Variants in TBC1D19 observed in about 807,000 individuals in gnomAD.
TBC1D19 encodes TBC1 domain family, member 19.
TBC1D19 carries 60 observed loss-of-function variants against 89.0 expected under a neutral mutation model. The ratio of observed to expected loss-of-function variants is 0.67; its 90% CI spans 0.55 to 0.84. The LOEUF is 0.84. TBC1D19 is among the 40% of genes least tolerant of loss of function. TBC1D19 has a pLI of 0.00. For missense variants in TBC1D19, 500 were observed against 610.8 expected, an observed-to-expected ratio of 0.82 and a Z score of 1.91; for synonymous variants, 189 against 199.7, an observed-to-expected ratio of 0.95 and a Z score of 0.45.
rs186442790 is a variant in TBC1D19, at chr4:26,683,362, C to T, written c.817-313C>T. On this transcript the variant is annotated intron_variant, in intron 11 of 20. Transcript: ENST00000264866. The stretch of plus-strand genomic sequence containing the variant: ...TGGTTTGGGATTAAATGAGTTAACT[C>T]TTGTAAAGTGGGTAAAATAGTGCCT... 1.4e-4 allele frequency among the ~76,000 whole-genome samples: 21 copies of T among 152,182 alleles called. No individual in the cohort carries two copies. The Middle Eastern group carries it at 0.01, about 74-fold the overall frequency.
the TBC1D19 span, among the ~76,000 whole-genome samples, chr4:26,812,950 C>G: frequency 1.3e-5 from 2 of 152,068 alleles, no homozygotes; most frequent in Admixed American, 1.3e-4. The surrounding 1 kb of genome is among the most constrained non-coding windows in gnomAD (Gnocchi z 4.2). Context: ...GGTGTGTTGG[C>G]TCACATCTGT....
intron 15 of TBC1D19, among the ~76,000 whole-genome samples, chr4:26,724,724 T>C (rs756429086): frequency 2.0e-5 from 3 of 152,188 alleles, no homozygotes; most frequent in Non-Finnish European, 4.4e-5. Context: ...TAGCCTTCAC[T>C]TCCTGCTTGC....
At chr4:26,619,069 T>C (rs1741871364) in intron 3 of TBC1D19, among the ~76,000 whole-genome samples, 1 of 152,192 alleles carries the variant, frequency 6.6e-6, no homozygotes, top group Non-Finnish European at 1.5e-5. Context: ...AAAATAAATA[T>C]CTAACTTGAT....
chr4:26,684,971 A>G (rs1408954343), intron 12 of TBC1D19, among the ~76,000 whole-genome samples: 1 of 152,154 alleles, frequency 6.6e-6, no homozygotes, highest in Non-Finnish European at 1.5e-5. Context: ...CTGTAAAACC[A>G]CGCTTTGAAA....
chr4:26,810,621 C>T, the TBC1D19 span, among the ~76,000 whole-genome samples: 5 of 152,190 alleles, frequency 3.3e-5, no homozygotes, highest in East Asian at 1.9e-4. Flanking sequence ...TGCTGTTCTC[C>T]GTGCCAACAG....
chr4:26,817,797 G>A, the TBC1D19 span, among the ~76,000 whole-genome samples: 20 of 151,550 alleles, frequency 1.3e-4, no homozygotes, highest in East Asian at 3.9e-4. Flanking sequence ...GTGAAACCCC[G>A]TCTCAACTAA....
chr4:26,589,081 C>G (rs1739604360), intron 1 of TBC1D19, among the ~76,000 whole-genome samples: 1 of 152,118 alleles, frequency 6.6e-6, no homozygotes, highest in African/African-American at 2.4e-5. Context: ...TTGAGACCAG[C>G]CTCGCCAACA....
At chr4:26,785,492 A>G in the TBC1D19 span, among the ~76,000 whole-genome samples, 1 of 152,230 alleles carries the variant, frequency 6.6e-6, no homozygotes, top group African/African-American at 2.4e-5. Flanking sequence ...CTACAATGAC[A>G]ATGATGACGA....
chr4:26,666,068 T>G (rs1298217529), intron 8 of TBC1D19, among the ~76,000 whole-genome samples: 1 of 152,006 alleles, frequency 6.6e-6, no homozygotes, highest in African/African-American at 2.4e-5. Context: ...CCTAAATGCT[T>G]ATATCTTTTC....
At chr4:26,611,219 T>C (rs1741362726) in intron 1 of TBC1D19, among the ~76,000 whole-genome samples, 1 of 152,102 alleles carries the variant, frequency 6.6e-6, no homozygotes, top group Non-Finnish European at 1.5e-5. Context: ...ATTTTTATAT[T>C]TTCTGCATTC....
the TBC1D19 span, among the ~76,000 whole-genome samples, chr4:26,773,145 A>G: frequency 2.0e-5 from 3 of 152,202 alleles, no homozygotes; most frequent in Non-Finnish European, 4.4e-5. Flanking sequence ...TGACGTTTTA[A>G]TAGTCACCAT....
the TBC1D19 span, among the ~76,000 whole-genome samples, chr4:26,799,094 G>C: frequency 6.6e-6 from 1 of 152,180 alleles, no homozygotes; most frequent in Non-Finnish European, 1.5e-5. Context: ...GTATTAAGTA[G>C]AGATGCTAGA....
At chr4:26,719,254 C>T (rs923775851) in intron 14 of TBC1D19, among the ~76,000 whole-genome samples, 1 of 152,046 alleles carries the variant, frequency 6.6e-6, no homozygotes, top group South Asian at 2.1e-4. Flanking sequence ...CCATTCTCTT[C>T]TTGCTCACAA....
At chr4:26,677,535 A>G (rs1027422254) in intron 11 of TBC1D19, among the ~76,000 whole-genome samples, 4 of 151,920 alleles carry the variant, frequency 2.6e-5, no homozygotes, top group Admixed American at 6.6e-5. Context: ...GTTAGCCAGG[A>G]TGGTCTTGAT....
the TBC1D19 span, among the ~76,000 whole-genome samples, chr4:26,842,583 C>CTTTCTTT: frequency 4.0e-4 from 28 of 70,610 alleles, no homozygotes; most frequent in African/African-American, 1.2e-3. Flanking sequence ...TTCCTCCCTC[C>CTTTCTTT]CTTTCTTTCT....
At chr4:26,668,501 G>A (rs1328782789) in intron 9 of TBC1D19, among the ~76,000 whole-genome samples, 1 of 151,884 alleles carries the variant, frequency 6.6e-6, no homozygotes, top group African/African-American at 2.4e-5. Context: ...GCTTTTAGGG[G>A]AAAAAATAGT....
At chr4:26,793,006 C>G in the TBC1D19 span, among the ~76,000 whole-genome samples, 1 of 152,192 alleles carries the variant, frequency 6.6e-6, no homozygotes. Context: ...AAACTGCATC[C>G]AGCTTTTAAT....
chr4:26,677,925 C>T (rs1232435966), intron 11 of TBC1D19, among the ~76,000 whole-genome samples: 7 of 152,154 alleles, frequency 4.6e-5, no homozygotes, highest in Non-Finnish European at 1.0e-4. Flanking sequence ...ATAAATTATC[C>T]AGTCTTGGGT....
chr4:26,779,341 T>C, the TBC1D19 span, among the ~76,000 whole-genome samples: 7 of 152,220 alleles, frequency 4.6e-5, no homozygotes, highest in African/African-American at 1.7e-4. Context: ...GTGGAGGTGC[T>C]GCAGGCTCTT....
Sources: allele counts gnomAD v4.1 joint callset (sites outside exome capture counted in the v4.1 genomes callset), GRCh38; gene constraint gnomAD v4.1.1; non-coding constraint Gnocchi (gnomAD v3.1); transcripts MANE v1.5; gene names NCBI Gene and HGNC (gene_info 2026-07-23, HGNC 2026-07-21).